The following PEAR1 variants were observed in gnomAD, a reference collection of about 807,000 sequenced individuals.
PEAR1 encodes the protein platelet endothelial aggregation receptor 1, also known as multiple EGF-like domains protein 12.
Under a neutral mutation model 131.2 loss-of-function variants are expected in PEAR1, and 113 were observed. The ratio of observed to expected loss-of-function variants is 0.86; its 90% CI spans 0.74 to 1.01. The LOEUF (loss-of-function observed/expected upper bound fraction) is 1.01, where lower values mean the gene tolerates loss of function less well. PEAR1 is among the 50% of genes least tolerant of loss of function. The pLI is 0.00. For missense variants in PEAR1, 1,408 were observed against 1,391.1 expected, an observed-to-expected ratio of 1.01 and a Z score of -0.19; for synonymous variants, 565 against 523.3, an observed-to-expected ratio of 1.08 and a Z score of -1.09.
chr1:156,901,982 T>A (rs1043557625), intron 1 of PEAR1, among the ~76,000 whole-genome samples: 2 of 151,602 alleles, frequency 1.3e-5, no homozygotes, highest in Non-Finnish European at 2.9e-5. Flanking sequence ...CTCTGGGGAG[T>A]GTCTCTAGGG....
At chr1:156,904,917 G>A (rs1558129250) in intron 3 of PEAR1, 65 bp downstream of exon 3, 1 of 1,604,544 alleles carries the variant, frequency 6.2e-7, no homozygotes, top group Non-Finnish European at 8.5e-7. Context: ...CCTGGCCCCT[G>A]GCCCTCTGTA....
Position 156,914,835 on chromosome 1 carries a change from G to A in PEAR1, c.*37G>A, listed in dbSNP as rs1488900381. ...GGTATGGCAGAGGCCAGCACACCTGGCTGTTGCTGCTCAAGGCTGGGGACA... is the reference window on the plus strand; with the variant it reads ...GGTATGGCAGAGGCCAGCACACCTGACTGTTGCTGCTCAAGGCTGGGGACA... On this transcript the variant is annotated 3_prime_UTR_variant, in exon 23 of 23. Transcript: ENST00000292357. 1.9e-6 allele frequency: 3 copies of A among 1,609,222 alleles called. No homozygotes were observed. Among genetic ancestry groups the A allele is most frequent in the Non-Finnish European group, 2.5e-6 (3 of 1,177,182 alleles).
At chr1:156,911,850 C>T (rs1199276522) in intron 15 of PEAR1, among the ~76,000 whole-genome samples, 1 of 152,134 alleles carries the variant, frequency 6.6e-6, no homozygotes, top group African/African-American at 2.4e-5. Flanking sequence ...CTGGTTACAA[C>T]TACTATTAGA....
chr1:156,914,295 A>G (rs1651634743), intron 22 of PEAR1, among the ~76,000 whole-genome samples, 195 bp downstream of exon 22: 1 of 152,214 alleles, frequency 6.6e-6, no homozygotes, highest in Admixed American at 6.5e-5. Context: ...CATCTGGAGA[A>G]CAGTATGGTG....
intron 4 of PEAR1, 111 bp downstream of exon 4, chr1:156,905,535 C>G: frequency 1.0e-6 from 1 of 975,824 alleles, no homozygotes; most frequent in Non-Finnish European, 1.5e-6. Context: ...ACTCCTCTGC[C>G]CTTTTGGGTT....
At chr1:156,895,921 T>A (rs2102954645) in intron 1 of PEAR1, among the ~76,000 whole-genome samples, 1 of 127,032 alleles carries the variant, frequency 7.9e-6, no homozygotes, top group South Asian at 3.6e-4. Flanking sequence ...TCCCTACAAT[T>A]TTTTTTTTTA....
chr1:156,907,026 C>T, intron 6 of PEAR1, 146 bp downstream of exon 6: 1 of 1,248,742 alleles, frequency 8.0e-7, no homozygotes, highest in Non-Finnish European at 1.1e-6. Context: ...GATCCTATTC[C>T]TCACGAGTGG....
rs140424736 is a variant in PEAR1, at chr1:156,905,424, C to T, written c.307C>T (p.Pro103Ser). Residue 103 changes from proline (P) to serine (S), a missense_variant and splice_region_variant, in exon 4 of 23, where the codon CCG (proline) becomes TCG (serine). Coordinates refer to ENST00000292357, the MANE Select transcript of PEAR1 (RefSeq NM_001080471.3). ...CTATGAGAGCAGGGGGTTCTGTGTCCGTGAGTCCAGGGTTGGGTTAGGGAG... is the reference window on the plus strand; with the variant it reads ...CTATGAGAGCAGGGGGTTCTGTGTCTGTGAGTCCAGGGTTGGGTTAGGGAG... Reference protein sequence around the residue: ...GFYESRGFCVPLCAQECVHGR... With the variant: ...GFYESRGFCVSLCAQECVHGR... 394 of 1,601,076 alleles carry T rather than the reference C, an allele frequency of 2.5e-4. No homozygotes were observed. Among genetic ancestry groups the T allele is most frequent in the South Asian group, 3.5e-4 (31 of 89,448 alleles).
rs1297728882 is a variant in PEAR1, at chr1:156,904,837, C to G, written c.191C>G (p.Thr64Ser). 1 of 1,613,818 alleles carries G rather than the reference C, an allele frequency of 6.2e-7. No individual in the cohort carries two copies. Among genetic ancestry groups the G allele is most frequent in the Admixed American group, 1.7e-5 (1 of 60,008 alleles). The stretch of plus-strand genomic sequence containing the variant: ...GAGCGGCCCTGGGAGGGCCCCCATA[C>G]TTGCCCCCAGCCCACGTGAGTGCTC... ...PCERPWEGPHTCPQPTVVYRT... is the reference protein window; with the variant it reads ...PCERPWEGPHSCPQPTVVYRT... The change falls in exon 3 of 23, where the codon ACT (threonine) becomes AGT (serine). Residue 64 changes from threonine (T) to serine (S), a missense_variant. Transcript: ENST00000292357.
intron 15 of PEAR1, among the ~76,000 whole-genome samples, chr1:156,911,099 TTTCTTTCTTTTCTTTC>T (rs1457710547): frequency 3.2e-4 from 44 of 136,744 alleles, no homozygotes; most frequent in South Asian, 1.2e-3. Context: ...CTTTCCTTTC[TTTCTTTCTTTTCTTTC>T]TTCTTTCTTT....
At chr1:156,911,037 T>C (rs998490147) in intron 15 of PEAR1, among the ~76,000 whole-genome samples, 1 of 113,274 alleles carries the variant, frequency 8.8e-6, no homozygotes, top group South Asian at 3.4e-4. Flanking sequence ...CTTGATTTCT[T>C]TTTCTTTCTT....
In PEAR1 at chr1:156,914,843, T is replaced by C; in HGVS notation, c.*45T>C. 6.2e-7 allele frequency: 1 copy of C among 1,605,658 alleles called. No individual in the cohort carries two copies. Among genetic ancestry groups the C allele is most frequent in the Non-Finnish European group, 8.5e-7 (1 of 1,175,068 alleles). Reference sequence around the variant, plus strand: ...AGAGGCCAGCACACCTGGCTGTTGCTGCTCAAGGCTGGGGACAGAGCCTAG... The same window carrying C: ...AGAGGCCAGCACACCTGGCTGTTGCCGCTCAAGGCTGGGGACAGAGCCTAG... On this transcript the variant is annotated 3_prime_UTR_variant, in exon 23 of 23. Transcript: ENST00000292357.
intron 1 of PEAR1, among the ~76,000 whole-genome samples, chr1:156,897,636 C>A (rs191906409): frequency 6.6e-6 from 1 of 152,228 alleles, no homozygotes; most frequent in Non-Finnish European, 1.5e-5. Flanking sequence ...TGAGGCCACG[C>A]GGGTCTGTGG....
chr1:156,914,863 G>T lies in PEAR1; in HGVS notation c.*65G>T. On this transcript the variant is annotated 3_prime_UTR_variant, in exon 23 of 23. Transcript: ENST00000292357. Reference sequence around the variant, plus strand: ...GTTGCTGCTCAAGGCTGGGGACAGAGCCTAGTGTACCCCTGCCAGGAGCAG... The same window carrying T: ...GTTGCTGCTCAAGGCTGGGGACAGATCCTAGTGTACCCCTGCCAGGAGCAG... 6.4e-7 allele frequency: 1 copy of T among 1,568,874 alleles called. No individual in the cohort carries two copies. Among genetic ancestry groups the T allele is most frequent in the Non-Finnish European group, 8.7e-7 (1 of 1,150,194 alleles).
intron 15 of PEAR1, 147 bp downstream of exon 15, chr1:156,910,890 T>C: frequency 1.6e-6 from 2 of 1,228,238 alleles, no homozygotes; most frequent in African/African-American, 1.5e-5. Flanking sequence ...ACATGCTGGG[T>C]ACTGTTCTAG....
rs780008646 is a variant in PEAR1, at chr1:156,913,832, C to G, written c.2714-20C>G. ...GAACCAGTGCCTCCATGCGGCCTGA[C>G]TTCTTTCCTCTATCCTTAGGGCTCA... On this transcript the variant is annotated intron_variant, in intron 21 of 22. Coordinates refer to ENST00000292357, the MANE Select transcript of PEAR1 (RefSeq NM_001080471.3). The G allele has an allele frequency of 3.1e-6, 5 of 1,610,756 alleles. No homozygotes were observed. The Admixed American group carries it at 8.4e-5, about 27-fold the overall frequency.
In PEAR1 at chr1:156,908,402, A is replaced by G; in HGVS notation, c.1115+62A>G. 1 of 1,442,918 alleles carries G rather than the reference A, an allele frequency of 6.9e-7. No homozygotes were observed. Among genetic ancestry groups the G allele is most frequent in the Non-Finnish European group, 9.2e-7 (1 of 1,092,594 alleles). 89.4% of individuals were successfully genotyped at this position (1,442,918 alleles called of 1,614,324 possible). A position where few individuals can be genotyped will look rare whatever the true frequency, so the allele number is the denominator to read the frequency against. Reference sequence around the variant, plus strand: ...CCAATGGGGAGGTCTTCCTGGCCGAAGTCACCACAGAGCCAGGGCCATATC... The same window carrying G: ...CCAATGGGGAGGTCTTCCTGGCCGAGGTCACCACAGAGCCAGGGCCATATC... On this transcript the variant is annotated intron_variant, in intron 9 of 22. Transcript: ENST00000292357. The surrounding 1 kb of genome is among the most constrained non-coding windows in gnomAD (Gnocchi z 4.2).
At chr1:156,909,068 T>C (rs902594417) in intron 11 of PEAR1, 32 bp downstream of exon 11, 1 of 1,612,676 alleles carries the variant, frequency 6.2e-7, no homozygotes, top group Non-Finnish European at 8.5e-7. Flanking sequence ...GAGAGAAGAC[T>C]TGGGGGATGG....
rs922865562 is a variant in PEAR1, at chr1:156,914,874, C to G, written c.*76C>G. The stretch of plus-strand genomic sequence containing the variant: ...AGGCTGGGGACAGAGCCTAGTGTAC[C>G]CCTGCCAGGAGCAGGGAGTGGACCG... On this transcript the variant is annotated 3_prime_UTR_variant, in exon 23 of 23. Coordinates refer to ENST00000292357, the MANE Select transcript of PEAR1 (RefSeq NM_001080471.3). 2 of 1,522,742 alleles carry G rather than the reference C, an allele frequency of 1.3e-6. No individual in the cohort carries two copies. The highest frequency in any genetic ancestry group is 3.8e-5 in the Admixed American group (2 of 53,026). 94.3% of individuals were successfully genotyped at this position (1,522,742 alleles called of 1,614,324 possible).
Sources: gnomAD v4.1 joint callset for allele counts (sites outside exome capture counted in the v4.1 genomes callset) on GRCh38, gnomAD v4.1.1 for gene constraint, Gnocchi (gnomAD v3.1) non-coding constraint, MANE v1.5 for transcripts, NCBI Gene and HGNC (gene_info 2026-07-23, HGNC 2026-07-21) for gene names.